The following PARD3 variants were observed in gnomAD, a reference collection of about 807,000 sequenced individuals.
PARD3 encodes the protein partitioning defective 3 homolog.
Under a neutral mutation model 155.4 loss-of-function variants are expected in PARD3, and 75 were observed. The ratio of observed to expected loss-of-function variants is 0.48; its 90% CI spans 0.40 to 0.58. The LOEUF (loss-of-function observed/expected upper bound fraction) is 0.58. Ranked by LOEUF, PARD3 falls within the 20% of genes least tolerant of loss-of-function variation. The probability of loss-of-function intolerance (pLI) is 0.00; values close to 1 mark genes in which losing one functional copy is unlikely to be tolerated. For synonymous variants in PARD3, 576 were observed against 610.5 expected, an observed-to-expected ratio of 0.94 and a Z score of 0.83; for missense variants, 1,642 against 1,721.7, an observed-to-expected ratio of 0.95 and a Z score of 0.82.
intron 2 of PARD3, among the ~76,000 whole-genome samples, chr10:34,563,765 G>A (rs565905816): frequency 2.0e-5 from 3 of 152,160 alleles, no homozygotes; most frequent in East Asian, 1.9e-4. Context: ...TCTTGACCTC[G>A]TGATCCGCCC....
At chr10:34,515,205 G>A (rs779799113) in intron 3 of PARD3, among the ~76,000 whole-genome samples, 12 of 152,252 alleles carry the variant, frequency 7.9e-5, no homozygotes, top group Non-Finnish European at 1.5e-4. Context: ...TTTTGTATAC[G>A]CTGTATGGTA....
rs779416026 is a variant in PARD3, at chr10:34,269,852, C to T, written c.3224G>A (p.Arg1075His). 97 of 1,613,700 alleles carry T rather than the reference C, an allele frequency of 6.0e-5. No homozygotes were observed. The highest frequency in any genetic ancestry group is 1.6e-4 in the Middle Eastern group (1 of 6,078). ...AAAATCTTGAATTTCAGCATAGTCA[C>T]GCTCTCGAGCTTGTCGTTCCCTAAA... ...REFRERQARE[R>H]DYAEIQDFHR... The change falls in exon 22 of 25, where the codon CGT becomes CAT. Residue 1075 changes from arginine to histidine, a missense_variant. Coordinates refer to ENST00000374788, the MANE Select transcript of PARD3 (RefSeq NM_001184785.2).
At position 34,317,289 on chromosome 10, in the gene PARD3, G is replaced by A. The variant is rs201871096; in HGVS notation, c.2883C>T (p.Ser961=). 1 of 1,613,090 alleles carries A rather than the reference G, an allele frequency of 6.2e-7. No individual in the cohort carries two copies. The highest frequency in any genetic ancestry group is 2.2e-5 in the East Asian group (1 of 44,846). Residue 961 remains serine, a synonymous_variant, in exon 20 of 25, where the codon TCC becomes TCT. Coordinates refer to ENST00000374788, the MANE Select transcript of PARD3 (RefSeq NM_001184785.2). ...AGTGGGAAGGCTGATCACTGGCTGT[G>A]GATACAGACTCTCTCCCTGATCTTG... is the stretch of plus-strand genomic sequence containing the variant. The part of the protein sequence containing the change: ...ESSRSGRESV[S]TASDQPSHSL...
intron 3 of PARD3, among the ~76,000 whole-genome samples, chr10:34,514,565 G>T (rs2081592834): frequency 6.6e-6 from 1 of 152,168 alleles, no homozygotes; most frequent in African/African-American, 2.4e-5. Context: ...CCCAATGCCT[G>T]CCAAGATCTG....
At chr10:34,455,193 A>G (rs1364948878) in intron 4 of PARD3, among the ~76,000 whole-genome samples, 1 of 151,988 alleles carries the variant, frequency 6.6e-6, no homozygotes, top group Non-Finnish European at 1.5e-5. Context: ...ACCTCGTTTC[A>G]GTGCAAAAAT....
intron 3 of PARD3, among the ~76,000 whole-genome samples, chr10:34,481,072 G>A (rs926599020): frequency 2.0e-5 from 3 of 151,998 alleles, no homozygotes; most frequent in African/African-American, 4.8e-5. Context: ...AAAGTGCTGG[G>A]GTTACAGGTG....
At chr10:34,429,602 T>A (rs1384899847) in intron 5 of PARD3, among the ~76,000 whole-genome samples, 2 of 143,924 alleles carry the variant, frequency 1.4e-5, no homozygotes, top group African/African-American at 5.2e-5. Context: ...TTGTTTTGTT[T>A]TAAAACGGAG....
At chr10:34,781,843 C>A (rs1388608163) in intron 1 of PARD3, among the ~76,000 whole-genome samples, 1 of 152,166 alleles carries the variant, frequency 6.6e-6, no homozygotes. Context: ...TGTGCTCTAT[C>A]GGATAATCCA....
chr10:34,319,712 C>G (rs1007129806), intron 19 of PARD3, among the ~76,000 whole-genome samples: 1 of 152,196 alleles, frequency 6.6e-6, no homozygotes, highest in Admixed American at 6.5e-5. Flanking sequence ...AGAGCTCCCC[C>G]AAAGAATGTA....
At chr10:34,461,052 A>G (rs1265976473) in intron 4 of PARD3, among the ~76,000 whole-genome samples, 1 of 152,192 alleles carries the variant, frequency 6.6e-6, no homozygotes, top group Non-Finnish European at 1.5e-5. Context: ...AACCACTTCT[A>G]CTACCAAATT....
chr10:34,526,585 G>A (rs2082500697), intron 2 of PARD3, among the ~76,000 whole-genome samples: 2 of 152,186 alleles, frequency 1.3e-5, no homozygotes, highest in South Asian at 2.1e-4. Flanking sequence ...TAGTTAGGAA[G>A]GCCCTTTCTT....
chr10:34,759,382 A>G (rs1391948214), intron 1 of PARD3, among the ~76,000 whole-genome samples: 1 of 152,216 alleles, frequency 6.6e-6, no homozygotes, highest in East Asian at 1.9e-4. Flanking sequence ...TGTGCTCTTG[A>G]GAACTGTTTC....
chr10:34,542,125 G>T (rs1354305360), intron 2 of PARD3, among the ~76,000 whole-genome samples: 1 of 151,936 alleles, frequency 6.6e-6, no homozygotes, highest in South Asian at 2.1e-4. Context: ...TAAAGAAAAT[G>T]ATATGGAATG....
chr10:34,668,277 T>C (rs1333631379), intron 2 of PARD3, among the ~76,000 whole-genome samples: 4 of 152,174 alleles, frequency 2.6e-5, no homozygotes, highest in Non-Finnish European at 4.4e-5. Context: ...TCAAAAAAGT[T>C]CTGTGGTTAC....
intron 14 of PARD3, among the ~76,000 whole-genome samples, chr10:34,351,628 A>T (rs1838091909): frequency 1.3e-5 from 2 of 152,374 alleles, no homozygotes; most frequent in African/African-American, 2.4e-5. Flanking sequence ...GGCAATGGCA[A>T]GAACCAGAAA....
chr10:34,250,015 T>C (rs1954199791), intron 22 of PARD3, among the ~76,000 whole-genome samples: 2 of 152,232 alleles, frequency 1.3e-5, no homozygotes, highest in Middle Eastern at 3.2e-3. Flanking sequence ...ATTGATGGCA[T>C]ACTCTTAAGA....
At chr10:34,743,609 C>T (rs767611118) in intron 1 of PARD3, among the ~76,000 whole-genome samples, 32 of 152,124 alleles carry the variant, frequency 2.1e-4, no homozygotes, top group Non-Finnish European at 3.7e-4. Flanking sequence ...CAAACTCTCC[C>T]GTATCTAAAA....
intron 22 of PARD3, among the ~76,000 whole-genome samples, chr10:34,222,418 G>A (rs1212917976): frequency 6.6e-6 from 1 of 152,236 alleles, no homozygotes; most frequent in Non-Finnish European, 1.5e-5. Flanking sequence ...ACTAGGGACT[G>A]ACAGCATGAG....
chr10:34,254,104 G>A (rs890353244), intron 22 of PARD3, among the ~76,000 whole-genome samples: 2 of 152,176 alleles, frequency 1.3e-5, no homozygotes, highest in Non-Finnish European at 1.5e-5. Context: ...TTTTAAGGCC[G>A]GGAGTGGTGG....
Sources: gnomAD v4.1 joint callset for allele counts (sites outside exome capture counted in the v4.1 genomes callset) on GRCh38, gnomAD v4.1.1 for gene constraint, MANE v1.5 for transcripts, NCBI Gene and HGNC (gene_info 2026-07-23, HGNC 2026-07-21) for gene names.